VRK1: variants seen among roughly 807,000 people sequenced by gnomAD.
VRK1 encodes the protein serine/threonine-protein kinase VRK1.
VRK1 carries 33 observed loss-of-function variants against 57.1 expected under a neutral mutation model. That is an observed-to-expected ratio of 0.58 (90% CI 0.44 to 0.77). VRK1 has a LOEUF of 0.77. Among genes scored for constraint, VRK1 ranks in the 30% least tolerant of loss-of-function variants. VRK1 has a pLI of 0.00. For synonymous variants in VRK1, 137 were observed against 147.8 expected (o/e 0.93, Z 0.53); for missense variants, 413 against 477.3 (o/e 0.87, Z 1.25).
intron 5 of VRK1, among the ~76,000 whole-genome samples, chr14:96,847,728 T>C (rs1183345041): frequency 2.0e-5 from 3 of 152,212 alleles, no homozygotes; most frequent in Non-Finnish European, 2.9e-5. Context: ...TTCCATTTGG[T>C]ATTTCTGCCC....
chr14:96,857,478 G>T (rs1339959117), intron 10 of VRK1, among the ~76,000 whole-genome samples: 1 of 152,126 alleles, frequency 6.6e-6, no homozygotes, highest in Non-Finnish European at 1.5e-5. Flanking sequence ...AGGTAAACAT[G>T]AGGGCTTTGG....
chr14:96,864,587 A>G (rs1888510784), intron 11 of VRK1, among the ~76,000 whole-genome samples: 1 of 152,022 alleles, frequency 6.6e-6, no homozygotes, highest in Non-Finnish European at 1.5e-5. Flanking sequence ...TTTTGGGGGG[A>G]AACATGTACA....
chr14:96,877,808 G>A, intron 12 of VRK1: 5 of 469,612 alleles, frequency 1.1e-5, no homozygotes, highest in Non-Finnish European at 1.4e-5. Context: ...TGAGCATCAA[G>A]CGTTTTTGTT....
At chr14:96,818,169 G>A (rs74076147) in intron 1 of VRK1, among the ~76,000 whole-genome samples, 602 of 152,138 alleles carry the variant, frequency 4.0e-3, no homozygotes, top group African/African-American at 0.013. Flanking sequence ...GGTGTCTTGG[G>A]CTTGTGTTTG....
At chr14:96,810,403 A>C (rs2139693732) in intron 1 of VRK1, among the ~76,000 whole-genome samples, 1 of 152,226 alleles carries the variant, frequency 6.6e-6, no homozygotes, top group Non-Finnish European at 1.5e-5. Context: ...AGGGCGATGA[A>C]GCTATTTTCT....
chr14:96,853,315 C>T (rs1888023957), intron 7 of VRK1, 149 bp downstream of exon 7: 2 of 721,574 alleles, frequency 2.8e-6, no homozygotes, highest in Admixed American at 4.8e-5. Context: ...ATCTAGTTAA[C>T]ATTCTACATT....
At chr14:96,812,465 G>A (rs765026962) in intron 1 of VRK1, among the ~76,000 whole-genome samples, 5 of 152,096 alleles carry the variant, frequency 3.3e-5, no homozygotes, top group Non-Finnish European at 5.9e-5. Context: ...GTGGCATCTC[G>A]TTGTGGTCTT....
intron 3 of VRK1, among the ~76,000 whole-genome samples, chr14:96,845,810 A>C (rs1219038222): frequency 6.6e-6 from 1 of 152,206 alleles, no homozygotes; most frequent in African/African-American, 2.4e-5. Flanking sequence ...TAAAGATGAA[A>C]ATTAGTTTAA....
At chr14:96,836,940 A>G (rs1887241771) in intron 2 of VRK1, among the ~76,000 whole-genome samples, 1 of 152,062 alleles carries the variant, frequency 6.6e-6, no homozygotes, top group South Asian at 2.1e-4. Context: ...AGTAAGGTTT[A>G]GATCCCTCTT....
At chr14:96,800,790 G>A (rs79847754) in intron 1 of VRK1, among the ~76,000 whole-genome samples, 3,184 of 152,004 alleles carry the variant, frequency 0.021, 120 homozygotes, top group African/African-American at 0.072. Flanking sequence ...AATATTAAAC[G>A]TGTATACTAA....
At chr14:96,865,126 T>A (rs1406494918) in intron 11 of VRK1, among the ~76,000 whole-genome samples, 1 of 152,082 alleles carries the variant, frequency 6.6e-6, no homozygotes, top group African/African-American at 2.4e-5. Context: ...CTTTTTATAT[T>A]CTATTTGGGA....
Position 96,881,316 on chromosome 14 carries a change from A to G in VRK1, c.*108A>G. The stretch of plus-strand genomic sequence containing the variant: ...CTGTGAGTCTTGCGAGGTGGAAGTA[A>G]TGATTAAATACTCATGTGTTCAGAA... On this transcript the variant is annotated 3_prime_UTR_variant, in exon 13 of 13. Transcript: ENST00000216639. The G allele has an allele frequency of 1.0e-6, 1 of 964,880 alleles. No homozygotes were observed. 59.8% of individuals were successfully genotyped at this position (964,880 alleles called of 1,614,324 possible). A position where few individuals can be genotyped will look rare whatever the true frequency, so the allele number is the denominator to read the frequency against.
intron 3 of VRK1, among the ~76,000 whole-genome samples, chr14:96,844,371 T>C (rs1196198169): frequency 1.3e-5 from 2 of 152,234 alleles, no homozygotes; most frequent in Non-Finnish European, 2.9e-5. Flanking sequence ...TGCCAAGCCA[T>C]GATACTACTG....
intron 3 of VRK1, among the ~76,000 whole-genome samples, chr14:96,839,170 G>A (rs1887352635): frequency 7.6e-6 from 1 of 130,724 alleles, no homozygotes. Flanking sequence ...ATATTGTTTT[G>A]TAACTTCTTA....
chr14:96,817,015 A>G (rs1829278257), intron 1 of VRK1, among the ~76,000 whole-genome samples: 1 of 152,256 alleles, frequency 6.6e-6, no homozygotes, highest in African/African-American at 2.4e-5. Flanking sequence ...GTATTTACAT[A>G]TGAAATGATG....
At chr14:96,798,110 C>T (rs954498963) in intron 1 of VRK1, among the ~76,000 whole-genome samples, 1 of 152,142 alleles carries the variant, frequency 6.6e-6, no homozygotes, top group Non-Finnish European at 1.5e-5. Flanking sequence ...GGGGAGGCCC[C>T]GTGATCCTGT....
At chr14:96,873,281 T>G (rs946591705) in intron 11 of VRK1, among the ~76,000 whole-genome samples, 3 of 152,190 alleles carry the variant, frequency 2.0e-5, no homozygotes, top group Non-Finnish European at 2.9e-5. Flanking sequence ...CAATCGGTGT[T>G]TAGACTATTA....
At chr14:96,840,429 C>G (rs1887410076) in intron 3 of VRK1, among the ~76,000 whole-genome samples, 1 of 152,138 alleles carries the variant, frequency 6.6e-6, no homozygotes, top group Non-Finnish European at 1.5e-5. Flanking sequence ...CTTTATTTCT[C>G]CTGCTTCTTT....
At chr14:96,806,323 G>A (rs368862083) in intron 1 of VRK1, among the ~76,000 whole-genome samples, 64 of 152,242 alleles carry the variant, frequency 4.2e-4, no homozygotes, top group African/African-American at 1.4e-3. Context: ...AGGCAATTGG[G>A]GACAATCAGG....
Sources: gnomAD v4.1 joint callset for allele counts (sites outside exome capture counted in the v4.1 genomes callset) on GRCh38, gnomAD v4.1.1 for gene constraint, MANE v1.5 for transcripts, NCBI Gene and HGNC (gene_info 2026-07-23, HGNC 2026-07-21) for gene names.